The following LMBR1 variants were observed in gnomAD, a reference collection of about 807,000 sequenced individuals.
LMBR1 encodes limb region 1 protein homolog.
In LMBR1, 52 loss-of-function variants were observed where a neutral mutation model predicts 73.9. That is an observed-to-expected ratio of 0.70 (90% CI 0.56 to 0.89). The LOEUF is 0.89. LMBR1 is among the 40% of genes least tolerant of loss of function. The probability of loss-of-function intolerance (pLI) is 0.00; values close to 1 mark genes in which losing one functional copy is unlikely to be tolerated. For missense variants in LMBR1, 539 were observed against 579.8 expected, an observed-to-expected ratio of 0.93 and a Z score of 0.72; for synonymous variants, 215 against 209.4, an observed-to-expected ratio of 1.03 and a Z score of -0.23.
At chr7:156,853,030 C>T (rs1038469378) in intron 1 of LMBR1, among the ~76,000 whole-genome samples, 1 of 151,792 alleles carries the variant, frequency 6.6e-6, no homozygotes, top group Admixed American at 6.6e-5. Context: ...GCTCTGCCTC[C>T]CAGGTTCAGG....
chr7:156,681,295 G>A lies in LMBR1; in HGVS notation c.*2783C>T. The stretch of plus-strand genomic sequence containing the variant: ...GTACACGTGCGCCTTTAACACATCT[G>A]AGAGCAAAACGCGAGAGGCTCCGTC... On this transcript the variant is annotated 3_prime_UTR_variant, in exon 17 of 17. Coordinates refer to ENST00000353442, the MANE Select transcript of LMBR1 (RefSeq NM_022458.4). The A allele has an allele frequency of 2.6e-6, 1 of 388,586 alleles. No individual in the cohort carries two copies. Among genetic ancestry groups the A allele is most frequent in the Non-Finnish European group, 4.9e-6 (1 of 202,058 alleles). 24.1% of individuals were successfully genotyped at this position (388,586 alleles called of 1,614,324 possible).
chr7:156,877,896 A>T (rs11760632), intron 1 of LMBR1, among the ~76,000 whole-genome samples: 5,881 of 151,960 alleles, frequency 0.039, 168 homozygotes, highest in Non-Finnish European at 0.048. Flanking sequence ...AAAAAAAAAA[A>T]AATACGCAAG....
chr7:156,861,089 C>T (rs1191093891), intron 1 of LMBR1, among the ~76,000 whole-genome samples: 2 of 152,256 alleles, frequency 1.3e-5, no homozygotes, highest in African/African-American at 4.8e-5. Flanking sequence ...TCCAACCCCA[C>T]ATTTCCCTTC....
rs1805159949 is a variant in LMBR1 at position 156,682,102 on chromosome 7, G to GCTCC, written c.*1975_*1976insGGAG. 1 of 152,270 alleles carries GCTCC rather than the reference G, an allele frequency of 6.6e-6. No individual in the cohort carries two copies. Among genetic ancestry groups the GCTCC allele is most frequent in the Non-Finnish European group, 1.5e-5 (1 of 68,072 alleles). The allele number at this position is 152,270 out of a possible 1,614,324, so 9.4% of individuals were successfully genotyped here. ...GCATATCCTTTGCTTCAACAGCAGTGAGGATGCCTCCAGGAAGTGTATTGT... is the reference window on the plus strand; with the variant it reads ...GCATATCCTTTGCTTCAACAGCAGTGCTCCAGGATGCCTCCAGGAAGTGTATTGT... On this transcript the variant is annotated 3_prime_UTR_variant, in exon 17 of 17. Coordinates refer to ENST00000353442, the MANE Select transcript of LMBR1 (RefSeq NM_022458.4).
intron 5 of LMBR1, among the ~76,000 whole-genome samples, chr7:156,769,823 A>G (rs1163915979): frequency 6.6e-6 from 1 of 152,194 alleles, no homozygotes; most frequent in African/African-American, 2.4e-5. Flanking sequence ...CGTGGTAATA[A>G]GCCAGGCTGC....
chr7:156,880,242 T>C (rs1052950308), intron 1 of LMBR1, among the ~76,000 whole-genome samples: 3 of 152,128 alleles, frequency 2.0e-5, no homozygotes, highest in Admixed American at 2.0e-4. Context: ...TGAATTAACC[T>C]AGGAATGGAA....
intron 11 of LMBR1, 41 bp downstream of exon 11, chr7:156,728,603 A>G (rs779268194): frequency 7.0e-7 from 1 of 1,422,238 alleles, no homozygotes; most frequent in East Asian, 2.3e-5. Context: ...AGTAAATAAA[A>G]TATAATTTGC....
chr7:156,674,623 A>AAAC (rs1803384539), downstream of LMBR1, among the ~76,000 whole-genome samples: 2 of 152,148 alleles, frequency 1.3e-5, no homozygotes, highest in Non-Finnish European at 2.9e-5. Flanking sequence ...CTGAGTGAGC[A>AAAC]TTGATGGCCC....
Position 156,761,976 on chromosome 7 carries a change from C to CAA in LMBR1, c.684+156_684+157dup, listed in dbSNP as rs552712592. On this transcript the variant is annotated intron_variant, in intron 8 of 16. Coordinates refer to ENST00000353442, the MANE Select transcript of LMBR1 (RefSeq NM_022458.4). ...TGGGCGACAGAGCAAGACTCTGTCT[C>CAA]AAAAAAAAAAAAAAAACTTAATAAA... Among the ~76,000 whole-genome samples the CAA allele has an allele frequency of 0.14, 14,373 of 103,958 alleles. 1,001 individuals are homozygous for CAA. Among genetic ancestry groups the CAA allele is most frequent in the Admixed American group, 0.16 (1,592 of 10,182 alleles). The allele number at this position is 103,958 out of a possible 152,430, so 68.2% of individuals were successfully genotyped here.
At chr7:156,822,787 A>G (rs1835002739) in intron 4 of LMBR1, 1 of 152,158 alleles carries the variant, frequency 6.6e-6, no homozygotes. Context: ...AGCAACAACC[A>G]CAAAAAAGGG....
intron 1 of LMBR1, among the ~76,000 whole-genome samples, chr7:156,840,726 G>A (rs895148183): frequency 6.6e-6 from 1 of 151,676 alleles, no homozygotes; most frequent in East Asian, 1.9e-4. Context: ...TTGGGAGGCC[G>A]AGGCGGGTGG....
At chr7:156,687,920 C>A (rs918114381) in intron 16 of LMBR1, 110 bp downstream of exon 16, 2 of 1,053,562 alleles carry the variant, frequency 1.9e-6, no homozygotes, top group African/African-American at 3.3e-5. Flanking sequence ...AATTTGACCT[C>A]TAAGGTTTTA....
At chr7:156,697,955 T>C (rs1249811428) in intron 15 of LMBR1, among the ~76,000 whole-genome samples, 1 of 152,214 alleles carries the variant, frequency 6.6e-6, no homozygotes, top group African/African-American at 2.4e-5. Context: ...TCACAATTTA[T>C]GTTCCTCTGC....
chr7:156,711,118 A>G (rs1004329225), intron 15 of LMBR1, among the ~76,000 whole-genome samples: 13 of 152,228 alleles, frequency 8.5e-5, no homozygotes, highest in South Asian at 2.1e-4. Flanking sequence ...AGACCATCCT[A>G]GCTAACATGG....
At chr7:156,790,078 T>C (rs1218416924) in intron 5 of LMBR1, among the ~76,000 whole-genome samples, 1 of 152,092 alleles carries the variant, frequency 6.6e-6, no homozygotes, top group Admixed American at 6.5e-5. Flanking sequence ...TAGTTATCTA[T>C]TAAACAAATA....
intron 4 of LMBR1, among the ~76,000 whole-genome samples, chr7:156,824,863 A>G (rs966496638): frequency 1.3e-5 from 2 of 151,850 alleles, no homozygotes; most frequent in Non-Finnish European, 2.9e-5. Context: ...AAAAAAAAAA[A>G]GTGATGTTTT....
In LMBR1 at chr7:156,833,835, C is replaced by A. The variant is rs748484301; in HGVS notation, c.140-43G>T. 7.6e-6 allele frequency: 9 copies of A among 1,189,702 alleles called. No homozygotes were observed. In the African/African-American group the frequency reaches 1.2e-4, roughly 16 times the overall value. The allele number at this position is 1,189,702 out of a possible 1,614,324, so 73.7% of individuals were successfully genotyped here. A position where few individuals can be genotyped will look rare whatever the true frequency, so the allele number is the denominator to read the frequency against. ...GTATTAATATTCCTTTATCTTCTAA[C>A]AAAATGCGTCATTAATTTATTAAAA... On this transcript the variant is annotated intron_variant, in intron 2 of 16. Coordinates refer to ENST00000353442, the MANE Select transcript of LMBR1 (RefSeq NM_022458.4).
intron 5 of LMBR1, among the ~76,000 whole-genome samples, chr7:156,780,085 G>A (rs552172781): frequency 3.3e-5 from 5 of 152,270 alleles, no homozygotes; most frequent in South Asian, 2.1e-4. Flanking sequence ...GAGCATACAC[G>A]AAAAAGCTTT....
intron 5 of LMBR1, among the ~76,000 whole-genome samples, chr7:156,770,677 G>A (rs2133048083): frequency 6.6e-6 from 1 of 152,218 alleles, no homozygotes; most frequent in East Asian, 1.9e-4. Context: ...ACTTTTAAAG[G>A]GGGAGGCAGG....
Sources: gnomAD v4.1 joint callset for allele counts (sites outside exome capture counted in the v4.1 genomes callset) on GRCh38, gnomAD v4.1.1 for gene constraint, MANE v1.5 for transcripts, NCBI Gene and HGNC (gene_info 2026-07-23, HGNC 2026-07-21) for gene names.